The following RHBDD1 variants were observed in gnomAD, a reference collection of about 807,000 sequenced individuals.
RHBDD1 encodes rhomboid-related protein 4.
Under a neutral mutation model 36.3 loss-of-function variants are expected in RHBDD1, and 38 were observed. The observed-to-expected ratio is 1.05, with a 90% confidence interval of 0.81 to 1.37. RHBDD1 has a LOEUF of 1.37. Ranked by LOEUF, RHBDD1 falls within the 40% of genes most tolerant of loss-of-function variation. The pLI, the probability that RHBDD1 is intolerant of heterozygous loss-of-function variation, is 0.00. For synonymous variants in RHBDD1, 151 were observed against 136.5 expected (o/e 1.11, Z -0.74); for missense variants, 393 against 377.6 (o/e 1.04, Z -0.34).
chr2:226,867,121 T>C, intron 4 of RHBDD1, 65 bp from the exon 5 acceptor site: 1 of 1,439,260 alleles, frequency 6.9e-7, no homozygotes, highest in Non-Finnish European at 9.5e-7. Flanking sequence ...ATTAACTTTC[T>C]TTGTAAATGT....
At chr2:226,863,990 A>G (rs559981832) in intron 3 of RHBDD1, among the ~76,000 whole-genome samples, 2 of 152,240 alleles carry the variant, frequency 1.3e-5, no homozygotes, top group African/African-American at 2.4e-5. Flanking sequence ...CTTGGTGGAA[A>G]GTGAGCCTCT....
At chr2:226,972,451 C>G (rs1317403658) in intron 8 of RHBDD1, among the ~76,000 whole-genome samples, 1 of 152,104 alleles carries the variant, frequency 6.6e-6, no homozygotes, top group Non-Finnish European at 1.5e-5. Context: ...CTGCTATGCC[C>G]CCTGGAAAAA....
chr2:226,851,621 C>A (rs1161222806), intron 3 of RHBDD1, among the ~76,000 whole-genome samples: 1 of 152,104 alleles, frequency 6.6e-6, no homozygotes, highest in Non-Finnish European at 1.5e-5. Flanking sequence ...GCACCTCGCT[C>A]ACCACTACCA....
chr2:226,913,027 A>T (rs1337495310), intron 7 of RHBDD1, among the ~76,000 whole-genome samples: 1 of 152,202 alleles, frequency 6.6e-6, no homozygotes, highest in Non-Finnish European at 1.5e-5. Flanking sequence ...CATATTAGGA[A>T]AATATTCATA....
the RHBDD1 span, among the ~76,000 whole-genome samples, chr2:226,826,023 T>C: frequency 6.6e-6 from 1 of 152,236 alleles, no homozygotes; most frequent in South Asian, 2.1e-4. Flanking sequence ...TGGTTAACAG[T>C]GAGCTCTTAC....
At chr2:226,859,161 T>A (rs975400936) in intron 3 of RHBDD1, among the ~76,000 whole-genome samples, 2 of 152,196 alleles carry the variant, frequency 1.3e-5, no homozygotes, top group Admixed American at 1.3e-4. Context: ...ACACTAATCT[T>A]GAGTCATTTG....
chr2:226,884,527 T>A (rs1434362779), intron 5 of RHBDD1, among the ~76,000 whole-genome samples: 1 of 152,170 alleles, frequency 6.6e-6, no homozygotes, highest in African/African-American at 2.4e-5. Context: ...AATTTTGTAG[T>A]CATTTATAAC....
At chr2:226,843,243 T>C (rs1941865529) in intron 3 of RHBDD1, among the ~76,000 whole-genome samples, 1 of 152,224 alleles carries the variant, frequency 6.6e-6, no homozygotes, top group Admixed American at 6.5e-5. Flanking sequence ...CCTCTCTTCC[T>C]ATTTGAATAC....
At chr2:226,835,365 T>C (rs1485021413), upstream of RHBDD1, among the ~76,000 whole-genome samples, 1 of 152,184 alleles carries the variant, frequency 6.6e-6, no homozygotes, top group Non-Finnish European at 1.5e-5. Flanking sequence ...TTAACTGAAA[T>C]ATGAAACACC....
chr2:226,977,774 C>T (rs1954865274), intron 8 of RHBDD1, among the ~76,000 whole-genome samples: 1 of 152,206 alleles, frequency 6.6e-6, no homozygotes, highest in African/African-American at 2.4e-5. Flanking sequence ...TTTAGCAGCT[C>T]ATAAATTCAC....
At chr2:226,832,536 T>C (rs1940768319), upstream of RHBDD1, among the ~76,000 whole-genome samples, 1 of 152,206 alleles carries the variant, frequency 6.6e-6, no homozygotes, top group African/African-American at 2.4e-5. Context: ...TGCCTGGTTG[T>C]TCTACACATT....
chr2:226,976,324 T>G (rs1425735751), intron 8 of RHBDD1, among the ~76,000 whole-genome samples: 1 of 149,070 alleles, frequency 6.7e-6, no homozygotes, highest in African/African-American at 2.5e-5. Context: ...CAAAGAGAAA[T>G]GAGGATGTCT....
At chr2:226,898,982 G>T (rs1947361628) in intron 5 of RHBDD1, among the ~76,000 whole-genome samples, 1 of 152,192 alleles carries the variant, frequency 6.6e-6, no homozygotes, top group Non-Finnish European at 1.5e-5. Flanking sequence ...ATGTCTTAGA[G>T]TATTACATTT....
chr2:226,818,262 C>T, the RHBDD1 span, among the ~76,000 whole-genome samples: 1 of 149,340 alleles, frequency 6.7e-6, no homozygotes, highest in Non-Finnish European at 1.5e-5. Context: ...CATGTTCACA[C>T]CATTCTCCTG....
chr2:226,844,219 A>C (rs533017815), intron 3 of RHBDD1, among the ~76,000 whole-genome samples: 1 of 152,202 alleles, frequency 6.6e-6, no homozygotes, highest in Non-Finnish European at 1.5e-5. Context: ...TATTATTCCA[A>C]CTTTGGTCAC....
At chr2:226,949,641 G>GT (rs1951283343) in intron 8 of RHBDD1, among the ~76,000 whole-genome samples, 1 of 152,140 alleles carries the variant, frequency 6.6e-6, no homozygotes, top group African/African-American at 2.4e-5. Flanking sequence ...AATTATATTA[G>GT]TTTGCTAGGA....
chr2:226,913,045 C>A (rs1406266748), intron 7 of RHBDD1, among the ~76,000 whole-genome samples: 1 of 152,094 alleles, frequency 6.6e-6, no homozygotes, highest in Non-Finnish European at 1.5e-5. Flanking sequence ...ATAAAGAATA[C>A]AACAGTAAAT....
chr2:226,853,292 G>A (rs192879765), intron 3 of RHBDD1, among the ~76,000 whole-genome samples: 5 of 152,286 alleles, frequency 3.3e-5, no homozygotes, highest in Admixed American at 1.3e-4. Flanking sequence ...TATTGGCCAC[G>A]AAGCAGAACA....
chr2:226,814,354 G>A, the RHBDD1 span, among the ~76,000 whole-genome samples: 4 of 152,034 alleles, frequency 2.6e-5, no homozygotes, highest in South Asian at 8.3e-4. Flanking sequence ...GATATAGCAG[G>A]CATTTGGTAC....
Sources: gnomAD v4.1 joint callset for allele counts (sites outside exome capture counted in the v4.1 genomes callset) on GRCh38, gnomAD v4.1.1 for gene constraint, MANE v1.5 for transcripts, NCBI Gene and HGNC (gene_info 2026-07-23, HGNC 2026-07-21) for gene names.